ETFDH: variants seen among roughly 807,000 people sequenced by gnomAD.
ETFDH encodes electron transfer flavoprotein dehydrogenase.
In ETFDH, 61 loss-of-function variants were observed where a neutral mutation model predicts 73.2. The observed-to-expected ratio is 0.83, with a 90% CI of 0.68 to 1.03. ETFDH has a LOEUF of 1.03. Among genes scored for constraint, ETFDH ranks in the 50% least tolerant of loss-of-function variants. The pLI is 0.00. For missense variants in ETFDH, 685 were observed against 745.0 expected (o/e 0.92, Z 0.94); for synonymous variants, 243 against 253.3 (o/e 0.96, Z 0.39).
intron 6 of ETFDH, among the ~76,000 whole-genome samples, chr4:158,692,272 C>T (rs1268266513): frequency 7.2e-5 from 11 of 151,900 alleles, no homozygotes; most frequent in African/African-American, 1.9e-4. Context: ...TAGTGGCGCA[C>T]GCCTGTAATC....
intron 1 of ETFDH, among the ~76,000 whole-genome samples, chr4:158,676,386 C>T (rs1167592687): frequency 6.6e-6 from 1 of 152,124 alleles, no homozygotes; most frequent in Admixed American, 6.6e-5. Context: ...CTAGATTTTA[C>T]AATAGTGATG....
In ETFDH at chr4:158,706,728, C is replaced by T. The variant is rs760906856; in HGVS notation, c.1568C>T (p.Ala523Val). 1.2e-6 allele frequency: 2 copies of T among 1,613,522 alleles called. No individual in the cohort carries two copies. Among genetic ancestry groups the T allele is most frequent in the African/African-American group, 1.3e-5 (1 of 75,016 alleles). Residue 523 changes from alanine to valine, a missense_variant, in exon 12 of 13, where the codon GCT becomes GTT. Transcript: ENST00000511912. The part of the protein sequence containing the change: ...QISFDLLSSV[A>V]LSGTNHEHDQ... ...AGTTTTGACCTCTTGTCATCTGTGG[C>T]TCTGAGTGGTACTAATCATGAACAT... is the stretch of plus-strand genomic sequence containing the variant.
chr4:158,697,784 G>T, intron 8 of ETFDH, 85 bp downstream of exon 8: 1 of 1,251,562 alleles, frequency 8.0e-7, no homozygotes. Context: ...TGAATCTGAA[G>T]ACTGTAAAAT....
chr4:158,693,340 T>C (rs1774229194), intron 6 of ETFDH, among the ~76,000 whole-genome samples: 1 of 152,192 alleles, frequency 6.6e-6, no homozygotes, highest in South Asian at 2.1e-4. Flanking sequence ...ATGCATCTTA[T>C]CATAAGAATT....
chr4:158,674,299 A>G (rs1773659790), intron 1 of ETFDH, among the ~76,000 whole-genome samples: 1 of 151,866 alleles, frequency 6.6e-6, no homozygotes, highest in Non-Finnish European at 1.5e-5. Flanking sequence ...TTGCCAATAT[A>G]GTTTTTTTGT....
At chr4:158,681,295 A>T (rs1773853124) in intron 2 of ETFDH, among the ~76,000 whole-genome samples, 1 of 152,186 alleles carries the variant, frequency 6.6e-6, no homozygotes, top group South Asian at 2.1e-4. Context: ...AAGGAAAAAA[A>T]ATTTTAAAAA....
rs200505075 is a variant in ETFDH, at chr4:158,686,902, ATACAGGTT to A, written c.606+1686_606+1693del. Among the ~76,000 whole-genome samples the A allele has an allele frequency of 9.7e-3, 1,482 of 152,324 alleles. 19 individuals are homozygous for A. Among genetic ancestry groups the A allele is most frequent in the African/African-American group, 0.033 (1,355 of 41,568 alleles). On this transcript the variant is annotated intron_variant, in intron 5 of 12. Coordinates refer to ENST00000511912, the MANE Select transcript of ETFDH (RefSeq NM_004453.4). Reference sequence around the variant, plus strand: ...GAGGCAGGTTAGCAGGAGAAAAGGCATACAGGTTTATCAGCGTGCATGAAGGGAATATT... The same window carrying A: ...GAGGCAGGTTAGCAGGAGAAAAGGCATATCAGCGTGCATGAAGGGAATATT...
rs201823591 is a variant in ETFDH at position 158,680,574 on chromosome 4, A to G, written c.142A>G (p.Ile48Val). 63 of 1,609,814 alleles carry G rather than the reference A, an allele frequency of 3.9e-5. No homozygotes were observed. In the East Asian group the frequency reaches 1.3e-3, roughly 32 times the overall value. Residue 48 changes from isoleucine to valine, a missense_variant, in exon 2 of 13, where the codon ATT becomes GTT. By Grantham distance (29) the Ile-to-Val change is conservative (BLOSUM62 3). Coordinates refer to ENST00000511912, the MANE Select transcript of ETFDH (RefSeq NM_004453.4). Reference sequence around the variant, plus strand: ...GCCTCGAATTACTACCCATTATACTATTTATCCCCGGGATAAGGACAAGAG... The same window carrying G: ...GCCTCGAATTACTACCCATTATACTGTTTATCCCCGGGATAAGGACAAGAG... ...TVPRITTHYT[I>V]YPRDKDKRWE...
intron 5 of ETFDH, among the ~76,000 whole-genome samples, chr4:158,685,895 A>ACC (rs1177294573): frequency 6.6e-6 from 1 of 152,226 alleles, no homozygotes; most frequent in Non-Finnish European, 1.5e-5. Flanking sequence ...ACAGAAATTA[A>ACC]CTTGTAAATG....
intron 3 of ETFDH, 32 bp downstream of exon 3, chr4:158,682,456 A>G (rs1478201633): frequency 1.3e-6 from 2 of 1,498,618 alleles, no homozygotes; most frequent in South Asian, 1.1e-5. Context: ...ACAAAGTCTA[A>G]TCTTTTGTAA....
chr4:158,705,208 T>C (rs1021867759), intron 10 of ETFDH, among the ~76,000 whole-genome samples: 2 of 152,152 alleles, frequency 1.3e-5, no homozygotes, highest in Non-Finnish European at 2.9e-5. Flanking sequence ...GGTTTGTTTT[T>C]GTTTTTAGAG....
At chr4:158,680,296 A>C (rs1279921847) in intron 1 of ETFDH, among the ~76,000 whole-genome samples, 171 bp from the exon 2 acceptor site, 1 of 152,068 alleles carries the variant, frequency 6.6e-6, no homozygotes, top group East Asian at 1.9e-4. Context: ...TAAAATATTT[A>C]AGATTTGAAA....
intron 12 of ETFDH, among the ~76,000 whole-genome samples, chr4:158,708,125 T>C (rs1774684602): frequency 6.6e-6 from 1 of 152,188 alleles, no homozygotes; most frequent in African/African-American, 2.4e-5. Context: ...ACACTCAGTG[T>C]CGAGTACCCT....
rs375172942 is a variant in ETFDH, at chr4:158,699,062, C to T, written c.1048C>T (p.Arg350Trp). ...FQRWKHHPSI[R>W]PTLEGGKRIA... is the part of the protein sequence containing the mutation. Reference sequence around the variant, plus strand: ...AAGGTGGAAACACCATCCTAGCATTCGGCCAACCTTGGAAGGTGGAAAAAG... The same window carrying T: ...AAGGTGGAAACACCATCCTAGCATTTGGCCAACCTTGGAAGGTGGAAAAAG... Residue 350 changes from arginine (R) to tryptophan (W), a missense_variant, in exon 9 of 13, where the codon CGG (arginine) becomes TGG (tryptophan). By Grantham distance (101) the Arg-to-Trp change is moderately radical. Transcript: ENST00000511912. The T allele has an allele frequency of 3.5e-5, 56 of 1,613,506 alleles. No individual in the cohort carries two copies. In the African/African-American group the frequency reaches 4.8e-4, roughly 14 times the overall value.
intron 12 of ETFDH, among the ~76,000 whole-genome samples, chr4:158,707,237 T>A (rs1035360188): frequency 6.6e-6 from 1 of 152,224 alleles, no homozygotes; most frequent in Non-Finnish European, 1.5e-5. Context: ...AAACTTTAAA[T>A]TCACCATGAA....
intron 2 of ETFDH, chr4:158,681,814 T>C (rs1482207232): frequency 6.3e-6 from 2 of 315,306 alleles, no homozygotes; most frequent in Non-Finnish European, 1.2e-5. Context: ...TATCATAGGC[T>C]GTTCAATTAG....
At chr4:158,694,481 C>T (rs1774258143) in intron 6 of ETFDH, among the ~76,000 whole-genome samples, 1 of 151,872 alleles carries the variant, frequency 6.6e-6, no homozygotes, top group South Asian at 2.1e-4. Context: ...GTAATCCCAG[C>T]TACTCAGGAG....
intron 7 of ETFDH, 54 bp from the exon 8 acceptor site, chr4:158,697,505 A>G: frequency 2.0e-6 from 3 of 1,517,314 alleles, no homozygotes; most frequent in Non-Finnish European, 1.8e-6. Flanking sequence ...GTGGTGACAT[A>G]AAAACATTTT....
chr4:158,678,946 A>C (rs1392410723), intron 1 of ETFDH, among the ~76,000 whole-genome samples: 1 of 152,122 alleles, frequency 6.6e-6, no homozygotes, highest in African/African-American at 2.4e-5. Flanking sequence ...CACTGTGCCC[A>C]GCCAACCATA....
Sources: allele counts gnomAD v4.1 joint callset (sites outside exome capture counted in the v4.1 genomes callset), GRCh38; gene constraint gnomAD v4.1.1; transcripts MANE v1.5; gene names NCBI Gene and HGNC (gene_info 2026-07-23, HGNC 2026-07-21).